Variants in SMYD3 observed in about 807,000 individuals in gnomAD.
SMYD3 encodes histone-lysine N-methyltransferase SMYD3.
Under a neutral mutation model 57.7 loss-of-function variants are expected in SMYD3, and 36 were observed. The ratio of observed to expected loss-of-function variants is 0.62; its 90% confidence interval spans 0.48 to 0.82. SMYD3 has a LOEUF of 0.82. Ranked by LOEUF, SMYD3 falls within the 40% of genes least tolerant of loss-of-function variation. The pLI is 0.00. For synonymous variants in SMYD3, 211 were observed against 195.0 expected, an observed-to-expected ratio of 1.08 and a Z score of -0.68; for missense variants, 515 against 538.8, an observed-to-expected ratio of 0.96 and a Z score of 0.44.
chr1:246,002,237 T>G (rs150984782), intron 5 of SMYD3, among the ~76,000 whole-genome samples: 1 of 147,926 alleles, frequency 6.8e-6, no homozygotes, highest in Non-Finnish European at 1.5e-5. Context: ...CAGGCTGGAG[T>G]GCTGTGGCGC....
intron 5 of SMYD3, among the ~76,000 whole-genome samples, chr1:246,275,473 G>T (rs1260195187): frequency 9.8e-6 from 1 of 101,742 alleles, no homozygotes; most frequent in Non-Finnish European, 2.2e-5. Context: ...ATTAACACTG[G>T]CAGGTTATTT....
chr1:246,474,889 G>A (rs540629404), intron 1 of SMYD3, among the ~76,000 whole-genome samples: 1 of 152,286 alleles, frequency 6.6e-6, no homozygotes, highest in Non-Finnish European at 1.5e-5. Flanking sequence ...GAGCCTTGTA[G>A]CTAGGACTGG....
At chr1:245,783,263 T>C (rs2046906223) in intron 10 of SMYD3, among the ~76,000 whole-genome samples, 1 of 152,218 alleles carries the variant, frequency 6.6e-6, no homozygotes, top group Non-Finnish European at 1.5e-5. Flanking sequence ...TTGTTTCATG[T>C]ACCAGAAAAG....
At chr1:245,896,806 G>T (rs1317531697) in intron 8 of SMYD3, among the ~76,000 whole-genome samples, 1 of 152,144 alleles carries the variant, frequency 6.6e-6, no homozygotes, top group Non-Finnish European at 1.5e-5. Flanking sequence ...GGGCGCAAGA[G>T]GTCCAAATGC....
intron 5 of SMYD3, among the ~76,000 whole-genome samples, chr1:246,016,986 T>C (rs1420518894): frequency 6.6e-6 from 1 of 152,168 alleles, no homozygotes; most frequent in East Asian, 1.9e-4. Context: ...TTTACAGTTA[T>C]CAATGAAACT....
intron 5 of SMYD3, among the ~76,000 whole-genome samples, chr1:246,245,396 T>C (rs894204293): frequency 1.3e-5 from 2 of 151,230 alleles, no homozygotes; most frequent in Admixed American, 1.3e-4. Flanking sequence ...TCAGCCAAGA[T>C]CGTGCCACTG....
At chr1:246,248,808 ATTTTT>A (rs1164274725) in intron 5 of SMYD3, among the ~76,000 whole-genome samples, 18 of 90,426 alleles carry the variant, frequency 2.0e-4, no homozygotes, top group African/African-American at 7.2e-4. Context: ...TGCCCGGCTA[ATTTTT>A]TTTTTTTTTT....
chr1:246,044,258 G>C (rs1250610338), intron 5 of SMYD3, among the ~76,000 whole-genome samples: 3 of 152,108 alleles, frequency 2.0e-5, no homozygotes, highest in Non-Finnish European at 4.4e-5. Context: ...AAATTATAAT[G>C]ATTCCTGGTT....
chr1:246,436,696 G>A (rs2067380159), intron 1 of SMYD3, among the ~76,000 whole-genome samples: 1 of 152,106 alleles, frequency 6.6e-6, no homozygotes, highest in Non-Finnish European at 1.5e-5. Flanking sequence ...TAGATGTCCT[G>A]CTTCGTTAGT....
intron 5 of SMYD3, among the ~76,000 whole-genome samples, chr1:246,210,889 T>A (rs2063075000): frequency 6.6e-6 from 1 of 152,102 alleles, no homozygotes; most frequent in South Asian, 2.1e-4. Flanking sequence ...TCAATTCTGA[T>A]TTCGCAGAAA....
chr1:246,315,682 T>TTCTTCA, intron 5 of SMYD3, among the ~76,000 whole-genome samples: 1 of 152,360 alleles, frequency 6.6e-6, no homozygotes, highest in Non-Finnish European at 1.5e-5. Context: ...TTTTTGTCCT[T>TTCTTCA]TCTTCATCAT....
chr1:246,443,268 T>C (rs1300432941), intron 1 of SMYD3, among the ~76,000 whole-genome samples: 1 of 152,202 alleles, frequency 6.6e-6, no homozygotes, highest in Admixed American at 6.5e-5. Flanking sequence ...AAACTGTACA[T>C]TTCTCCATCT....
chr1:246,000,214 A>G (rs927432634), intron 5 of SMYD3, among the ~76,000 whole-genome samples: 13 of 152,158 alleles, frequency 8.5e-5, no homozygotes, highest in Admixed American at 5.9e-4. Context: ...CTACACAGCT[A>G]CTCGGCTCCT....
intron 2 of SMYD3, among the ~76,000 whole-genome samples, chr1:246,351,378 C>T (rs976284322): frequency 6.6e-6 from 1 of 152,162 alleles, no homozygotes; most frequent in Admixed American, 6.5e-5. Flanking sequence ...AATTGACTTA[C>T]TTGCTATCAC....
chr1:246,121,331 T>C (rs943495827), intron 5 of SMYD3, among the ~76,000 whole-genome samples: 1 of 151,880 alleles, frequency 6.6e-6, no homozygotes, highest in East Asian at 1.9e-4. Flanking sequence ...TAACTGATGG[T>C]CGGTCCTCTC....
intron 5 of SMYD3, among the ~76,000 whole-genome samples, chr1:245,992,294 C>T (rs896819546): frequency 5.3e-5 from 8 of 149,922 alleles, no homozygotes; most frequent in African/African-American, 9.8e-5. Flanking sequence ...ACCTCAGAAA[C>T]GGCCTGCCGT....
intron 8 of SMYD3, among the ~76,000 whole-genome samples, chr1:245,914,790 T>C (rs2055278139): frequency 6.6e-6 from 1 of 152,208 alleles, no homozygotes; most frequent in South Asian, 2.1e-4. Context: ...AGGTGACAGA[T>C]ATGCTAATTA....
At chr1:246,360,098 C>T (rs1252263726) in intron 1 of SMYD3, among the ~76,000 whole-genome samples, 1 of 152,214 alleles carries the variant, frequency 6.6e-6, no homozygotes, top group South Asian at 2.1e-4. Flanking sequence ...CGAACTAGTA[C>T]ATGAATTCAG....
chr1:245,811,893 C>T (rs1399928920), intron 10 of SMYD3, among the ~76,000 whole-genome samples: 1 of 152,194 alleles, frequency 6.6e-6, no homozygotes, highest in Non-Finnish European at 1.5e-5. Context: ...AAATCACCCA[C>T]CTAGTAAATG....
Sources: allele counts gnomAD v4.1 joint callset (sites outside exome capture counted in the v4.1 genomes callset), GRCh38; gene constraint gnomAD v4.1.1; transcripts MANE v1.5; gene names NCBI Gene and HGNC (gene_info 2026-07-23, HGNC 2026-07-21).